Variants in TMPRSS3 observed in about 807,000 individuals in gnomAD.
TMPRSS3 encodes the protein transmembrane serine protease 3.
TMPRSS3 carries 55 observed loss-of-function variants against 59.6 expected under a neutral mutation model. That is an observed-to-expected ratio of 0.92 (90% CI 0.74 to 1.16). The LOEUF (loss-of-function observed/expected upper bound fraction) is 1.16. TMPRSS3 is among the 50% of genes most tolerant of loss of function. The probability of loss-of-function intolerance (pLI) is 0.00; values close to 1 mark genes in which losing one functional copy is unlikely to be tolerated. For missense variants in TMPRSS3, 596 were observed against 579.4 expected (o/e 1.03, Z -0.29); for synonymous variants, 257 against 237.7 (o/e 1.08, Z -0.75).
chr21:42,394,126 A>G (rs1184735236), intron 2 of TMPRSS3, among the ~76,000 whole-genome samples: 1 of 152,182 alleles, frequency 6.6e-6, no homozygotes, highest in Non-Finnish European at 1.5e-5. Context: ...CTTCTAATGA[A>G]CAATACATTA....
At position 42,383,092 on chromosome 21, in the gene TMPRSS3, C is replaced by T; in HGVS notation, c.723G>A (p.Leu241=). The T allele has an allele frequency of 6.2e-7, 1 of 1,614,184 alleles. No individual in the cohort carries two copies. The highest frequency in any genetic ancestry group is 8.5e-7 in the Non-Finnish European group (1 of 1,180,038). Residue 241 remains leucine (L), a synonymous_variant, in exon 8 of 13, where the codon CTG becomes CTA. Transcript: ENST00000644384. ...QASLQFQGYH[L]CGGSVITPLW... ...GGGGCGTGATGACAGAGCCCCCGCA[C>T]AGGTGGTAGCCCTGGAACTGAAGGC...
intron 5 of TMPRSS3, among the ~76,000 whole-genome samples, chr21:42,385,925 C>T (rs780682082): frequency 9.9e-5 from 15 of 152,136 alleles, no homozygotes; most frequent in Admixed American, 7.2e-4. Context: ...GCAGTATTGT[C>T]GGGGGGCACC....
intron 10 of TMPRSS3, among the ~76,000 whole-genome samples, chr21:42,377,986 G>A (rs1275316891): frequency 1.3e-5 from 2 of 152,262 alleles, no homozygotes; most frequent in African/African-American, 4.8e-5. Context: ...AGAGCCCAGT[G>A]TCATCAGAAT....
At position 42,395,445 on chromosome 21, in the gene TMPRSS3, C is replaced by A. The variant is rs775213790; in HGVS notation, c.-28G>T. The A allele has an allele frequency of 2.8e-5, 44 of 1,587,650 alleles. No individual in the cohort carries two copies. Among genetic ancestry groups the A allele is most frequent in the Non-Finnish European group, 3.6e-5 (42 of 1,156,062 alleles). On this transcript the variant is annotated 5_prime_UTR_variant, in exon 2 of 13. Transcript: ENST00000644384. ...TGACTATTTCAGGACCTCTGACATC[C>A]GGCTCCGCCTCCACCTCTACCTCCT... is the stretch of plus-strand genomic sequence containing the variant.
At chr21:42,380,065 C>G in intron 10 of TMPRSS3, 52 bp downstream of exon 10, 1 of 1,482,868 alleles carries the variant, frequency 6.7e-7, no homozygotes, top group Non-Finnish European at 9.4e-7. Flanking sequence ...CCCTCCGCAG[C>G]CCTCTGGGTT....
At chr21:42,389,186 G>A in intron 3 of TMPRSS3, 141 bp from the exon 4 acceptor site, 1 of 1,508,500 alleles carries the variant, frequency 6.6e-7, no homozygotes, top group Non-Finnish European at 8.9e-7. Flanking sequence ...TCAGCAGCCT[G>A]TTTCCTGCAG....
intron 8 of TMPRSS3, 58 bp from the exon 9 acceptor site, chr21:42,382,292 G>T: frequency 2.0e-6 from 3 of 1,484,342 alleles, no homozygotes; most frequent in South Asian, 1.2e-5. Flanking sequence ...TGAACTCATT[G>T]ACCTCAGGTA....
At chr21:42,390,132 T>C (rs2052711303) in intron 2 of TMPRSS3, 95 bp from the exon 3 acceptor site, 5 of 974,226 alleles carry the variant, frequency 5.1e-6, no homozygotes, top group Non-Finnish European at 8.1e-6. Flanking sequence ...CCCTCCCCTC[T>C]TTGCAGAGAA....
intron 9 of TMPRSS3, among the ~76,000 whole-genome samples, chr21:42,381,681 G>A (rs1233846251): frequency 1.3e-5 from 2 of 152,200 alleles, no homozygotes; most frequent in Non-Finnish European, 2.9e-5. Flanking sequence ...GCCCACGAAG[G>A]CTCTAAAATT....
rs1299378382 is a variant in TMPRSS3 at position 42,372,590 on chromosome 21, G to T, written c.*172C>A. ...AACAAAAAACAAAAAGCAGCTTGAA[G>T]GTTGTGCTGGAATCAGATGGAAGGG... On this transcript the variant is annotated 3_prime_UTR_variant, in exon 13 of 13. Transcript: ENST00000644384. 5 of 789,130 alleles carry T rather than the reference G, an allele frequency of 6.3e-6. No individual in the cohort carries two copies. Among genetic ancestry groups the T allele is most frequent in the Non-Finnish European group, 1.2e-5 (5 of 432,810 alleles). The allele number at this position is 789,130 out of a possible 1,614,324, so 48.9% of individuals were successfully genotyped here.
chr21:42,383,216 G>A lies in TMPRSS3; in HGVS notation c.617-18C>T, dbSNP rs225431. On this transcript the variant is annotated intron_variant, in intron 7 of 12. Coordinates refer to ENST00000644384, the MANE Select transcript of TMPRSS3 (RefSeq NM_001256317.3). ...ACCACAGGCTATGGAGGGGAACAAA[G>A]GCTTGTGGGTCCACCCTGCAGACTT... 0.012 allele frequency: 19,434 copies of A among 1,613,834 alleles called. 120 individuals are homozygous for A. The highest frequency in any genetic ancestry group is 0.014 in the Non-Finnish European group (17,001 of 1,179,896).
rs546828856 is a variant in TMPRSS3 at position 42,379,938 on chromosome 21, C to T, written c.1048+179G>A. ...CATGTTGTCCCCATAACAATGGAAC[C>T]GTGACTCCTGACCCACAGTTCCTTG... On this transcript the variant is annotated intron_variant, in intron 10 of 12. Coordinates refer to ENST00000644384, the MANE Select transcript of TMPRSS3 (RefSeq NM_001256317.3). Among the ~76,000 whole-genome samples, 15 of 152,248 alleles carry T rather than the reference C, an allele frequency of 9.9e-5. No homozygotes were observed. In the South Asian group the frequency reaches 1.9e-3, roughly 19 times the overall value.
At chr21:42,372,806 G>A in intron 12 of TMPRSS3, 27 bp from the exon 13 acceptor site, 1 of 1,613,898 alleles carries the variant, frequency 6.2e-7, no homozygotes, top group Non-Finnish European at 8.5e-7. Context: ...AGGCGTTATT[G>A]TTTTTAGCAC....
At chr21:42,392,124 C>T (rs1346999632) in intron 2 of TMPRSS3, among the ~76,000 whole-genome samples, 2 of 152,200 alleles carry the variant, frequency 1.3e-5, no homozygotes, top group Non-Finnish European at 2.9e-5. Flanking sequence ...GCACCTGCCT[C>T]TCTTCTCCTA....
At chr21:42,381,315 G>T (rs529888233) in intron 9 of TMPRSS3, among the ~76,000 whole-genome samples, 10 of 152,332 alleles carry the variant, frequency 6.6e-5, no homozygotes, top group Admixed American at 5.9e-4. Context: ...GCTGCTGGTT[G>T]GGAGAGAACT....
At chr21:42,393,136 C>A (rs535228148) in intron 2 of TMPRSS3, among the ~76,000 whole-genome samples, 2 of 152,236 alleles carry the variant, frequency 1.3e-5, no homozygotes, top group South Asian at 4.1e-4. Context: ...TCCAGCAACT[C>A]AGGAGGCCGA....
rs896099059 is a variant in TMPRSS3, at chr21:42,383,499, C to T, written c.617-301G>A. The T allele has an allele frequency of 4.0e-5, 22 of 544,780 alleles. No individual in the cohort carries two copies. The East Asian group carries it at 5.8e-4, about 14-fold the overall frequency. 33.7% of individuals were successfully genotyped at this position (544,780 alleles called of 1,614,324 possible). On this transcript the variant is annotated intron_variant, in intron 7 of 12. Transcript: ENST00000644384. ...TCCTATTCCCCCAGTGATGACAACACCCTGGGATGTCAGGAGCAGGCAGGA... is the reference window on the plus strand; with the variant it reads ...TCCTATTCCCCCAGTGATGACAACATCCTGGGATGTCAGGAGCAGGCAGGA...
intron 12 of TMPRSS3, 52 bp downstream of exon 12, chr21:42,375,664 C>T (rs2052411900): frequency 1.2e-6 from 2 of 1,612,788 alleles, no homozygotes; most frequent in East Asian, 2.2e-5. Flanking sequence ...TTTAAGGGAC[C>T]TTAGGGTCAA....
chr21:42,376,518 C>T (rs766177584), intron 11 of TMPRSS3, 23 bp downstream of exon 11: 6 of 1,612,088 alleles, frequency 3.7e-6, no homozygotes, highest in South Asian at 2.2e-5. Flanking sequence ...GCCACGGCCT[C>T]GCCCACCGCT....
Sources: allele counts gnomAD v4.1 joint callset (sites outside exome capture counted in the v4.1 genomes callset), GRCh38; gene constraint gnomAD v4.1.1; transcripts MANE v1.5; gene names NCBI Gene and HGNC (gene_info 2026-07-23, HGNC 2026-07-21).